The following CDH23 variants were observed in gnomAD, a reference collection of about 807,000 sequenced individuals.
CDH23 encodes cadherin-23.
In CDH23, 189 loss-of-function variants were observed where a neutral mutation model predicts 317.1. The ratio of observed to expected loss-of-function variants is 0.60; its 90% CI spans 0.53 to 0.67. The LOEUF (loss-of-function observed/expected upper bound fraction) is 0.67, where lower values mean the gene tolerates loss of function less well. CDH23 is among the 30% of genes least tolerant of loss of function. CDH23 has a pLI of 0.00. For synonymous variants in CDH23, 1,839 were observed against 1,876.8 expected (o/e 0.98, Z 0.52); for missense variants, 4,401 against 4,592.4 (o/e 0.96, Z 1.20).
chr10:71,788,212 T>A (rs1339957984), intron 44 of CDH23, among the ~76,000 whole-genome samples: 1 of 152,020 alleles, frequency 6.6e-6, no homozygotes, highest in African/African-American at 2.4e-5. Context: ...CATGCCCAGC[T>A]AATTTTTTTG....
intron 17 of CDH23, among the ~76,000 whole-genome samples, chr10:71,679,961 AAG>A (rs1220348448): frequency 1.3e-5 from 2 of 152,174 alleles, no homozygotes; most frequent in Non-Finnish European, 2.9e-5. Flanking sequence ...CCAAGATCCC[AAG>A]AGAGACTATT....
chr10:71,496,203 T>G (rs1165358073), intron 3 of CDH23, among the ~76,000 whole-genome samples: 3 of 152,248 alleles, frequency 2.0e-5, no homozygotes, highest in East Asian at 1.9e-4. Context: ...GGCATCCTTA[T>G]TTTTAGAAGC....
chr10:71,697,346 G>A (rs542834333), intron 22 of CDH23, among the ~76,000 whole-genome samples: 2 of 152,314 alleles, frequency 1.3e-5, no homozygotes, highest in South Asian at 4.1e-4. Context: ...TGCATGCCAG[G>A]CCCCACGCTT....
chr10:71,749,016 G>A (rs1158687742), intron 38 of CDH23: 1 of 152,532 alleles, frequency 6.6e-6, no homozygotes, highest in Non-Finnish European at 1.5e-5. Flanking sequence ...TGAGGAGGAA[G>A]TGCGGTGGCT....
In CDH23 at chr10:71,416,933, C is replaced by A. The variant is rs186903468; in HGVS notation, c.-6+19615C>A. Among the ~76,000 whole-genome samples the A allele has an allele frequency of 1.5e-3, 232 of 152,262 alleles. 1 individual carries two copies. The highest frequency in any genetic ancestry group is 4.5e-3 in the Admixed American group (69 of 15,282). On this transcript the variant is annotated intron_variant, in intron 1 of 69. Transcript: ENST00000224721. ...GCTCCCATTGTTTGTTTCAAAAAGT[C>A]ACCTATAAGTTTTATTAGCACTTTT... is the stretch of plus-strand genomic sequence containing the variant.
intron 11 of CDH23, among the ~76,000 whole-genome samples, chr10:71,626,466 C>T (rs1861741637): frequency 1.3e-5 from 2 of 152,180 alleles, no homozygotes; most frequent in African/African-American, 4.8e-5. Flanking sequence ...CCTTTTCCAG[C>T]TCTGGACCAC....
intron 47 of CDH23, 102 bp downstream of exon 47, chr10:71,791,437 A>G: frequency 2.1e-6 from 2 of 973,264 alleles, no homozygotes; most frequent in Non-Finnish European, 3.1e-6. Context: ...TCCAGTGGGG[A>G]GAAAGATGGG....
At chr10:71,662,008 G>A (rs2132634970) in intron 14 of CDH23, among the ~76,000 whole-genome samples, 1 of 150,748 alleles carries the variant, frequency 6.6e-6, no homozygotes, top group Non-Finnish European at 1.5e-5. Flanking sequence ...GGGCTGCGTG[G>A]GCCCAGGTGA....
At chr10:71,611,104 C>G (rs1483083060) in intron 9 of CDH23, among the ~76,000 whole-genome samples, 1 of 145,432 alleles carries the variant, frequency 6.9e-6, no homozygotes, top group Non-Finnish European at 1.5e-5. Context: ...TGAAGAATGT[C>G]TGGGAGACCA....
intron 6 of CDH23, among the ~76,000 whole-genome samples, chr10:71,517,826 G>A (rs558079418): frequency 2.0e-5 from 3 of 152,336 alleles, no homozygotes; most frequent in Middle Eastern, 3.4e-3. Flanking sequence ...TTCTGGCTGA[G>A]CGGCAGCCCC....
At chr10:71,605,109 T>C (rs1426911196) in intron 9 of CDH23, among the ~76,000 whole-genome samples, 1 of 152,186 alleles carries the variant, frequency 6.6e-6, no homozygotes, top group East Asian at 1.9e-4. Context: ...CAGTAAAATA[T>C]GAATAACGTA....
chr10:71,502,064 T>C, intron 3 of CDH23, among the ~76,000 whole-genome samples: 1 of 152,174 alleles, frequency 6.6e-6, no homozygotes, highest in East Asian at 1.9e-4. Context: ...GACCCTTGCT[T>C]CCCTCTCTGC....
chr10:71,542,202 G>A (rs75664630), intron 6 of CDH23, among the ~76,000 whole-genome samples: 4,031 of 152,278 alleles, frequency 0.026, 180 homozygotes, highest in African/African-American at 0.092. Flanking sequence ...GAAAGGTGGC[G>A]TAGCTTAGTA....
chr10:71,760,826 G>A, intron 38 of CDH23: 1 of 1,586,072 alleles, frequency 6.3e-7, no homozygotes, highest in Non-Finnish European at 8.7e-7. Context: ...GAGGACAGAA[G>A]AAAACAGAGA....
intron 3 of CDH23, among the ~76,000 whole-genome samples, chr10:71,463,010 T>C (rs183207816): frequency 1.3e-5 from 2 of 152,332 alleles, no homozygotes; most frequent in Admixed American, 1.3e-4. Flanking sequence ...ACCGGCTGCA[T>C]TTCCCCCGTC....
chr10:71,642,393 C>CTTTTTTTTT (rs781291264), intron 11 of CDH23, among the ~76,000 whole-genome samples: 4 of 85,426 alleles, frequency 4.7e-5, no homozygotes, highest in Admixed American at 1.5e-4. Flanking sequence ...GGCCCGGCCT[C>CTTTTTTTTT]TTTTTTTTTT....
chr10:71,809,206 ACT>A (rs3833468), intron 60 of CDH23, among the ~76,000 whole-genome samples: 18,777 of 109,830 alleles, frequency 0.17, 1,569 homozygotes, highest in East Asian at 0.27. Context: ...ATAGACTCTC[ACT>A]CTGTTTGTTG....
chr10:71,665,528 A>G (rs1398591710), intron 14 of CDH23, among the ~76,000 whole-genome samples: 1 of 152,172 alleles, frequency 6.6e-6, no homozygotes, highest in Admixed American at 6.5e-5. Context: ...TAGCAGAGGG[A>G]CCTGTGGGTG....
At chr10:71,680,589 A>T (rs1864580001) in intron 17 of CDH23, among the ~76,000 whole-genome samples, 1 of 151,796 alleles carries the variant, frequency 6.6e-6, no homozygotes, top group African/African-American at 2.4e-5. Context: ...CTCTACTAAA[A>T]ATACAAAAAT....
Sources: allele counts gnomAD v4.1 joint callset (sites outside exome capture counted in the v4.1 genomes callset), GRCh38; gene constraint gnomAD v4.1.1; transcripts MANE v1.5; gene names NCBI Gene and HGNC (gene_info 2026-07-23, HGNC 2026-07-21).